Variants in SNTG1 observed in about 807,000 individuals in gnomAD.
SNTG1 encodes the protein syntrophin gamma 1.
A neutral mutation model predicts 74.7 loss-of-function variants in SNTG1; 39 were observed. That is an observed-to-expected ratio of 0.52 (90% CI 0.40 to 0.68). SNTG1 has a LOEUF of 0.68. Ranked by LOEUF, SNTG1 falls within the 30% of genes least tolerant of loss-of-function variation. The pLI is 0.00. For synonymous variants in SNTG1, 254 were observed against 217.1 expected (o/e 1.17, Z -1.49); for missense variants, 685 against 609.5 (o/e 1.12, Z -1.30).
chr8:50,638,929 C>T (rs569469433), intron 13 of SNTG1, among the ~76,000 whole-genome samples: 66 of 152,196 alleles, frequency 4.3e-4, no homozygotes, highest in African/African-American at 1.6e-3. Flanking sequence ...CCAAAGCTAT[C>T]ACTGTTTTAC....
At chr8:50,447,264 A>T (rs567562476) in intron 5 of SNTG1, among the ~76,000 whole-genome samples, 25 of 152,098 alleles carry the variant, frequency 1.6e-4, no homozygotes, top group African/African-American at 6.0e-4. Flanking sequence ...CTATGCATTT[A>T]AAAAAAATGG....
intron 2 of SNTG1, among the ~76,000 whole-genome samples, chr8:50,301,651 T>C (rs1221186166): frequency 3.3e-5 from 5 of 152,248 alleles, no homozygotes; most frequent in Admixed American, 3.3e-4. Flanking sequence ...ATATTTTATA[T>C]ACTGTTTTAT....
rs2092521718 is a variant in SNTG1 at position 50,383,381 on chromosome 8, T to G, written c.-27-10831T>G. ...TAACTATTATTAATAAATCTTATGTTAGATGATAAGGGAATAAAGAAGGGA... is the reference window on the plus strand; with the variant it reads ...TAACTATTATTAATAAATCTTATGTGAGATGATAAGGGAATAAAGAAGGGA... On this transcript the variant is annotated intron_variant, in intron 2 of 18. Coordinates refer to ENST00000642720, the MANE Select transcript of SNTG1 (RefSeq NM_018967.5). Among the ~76,000 whole-genome samples the G allele has an allele frequency of 2.6e-5, 4 of 152,192 alleles. No homozygotes were observed. The South Asian group carries it at 8.3e-4, about 31-fold the overall frequency.
At chr8:50,768,649 A>G in intron 18 of SNTG1, among the ~76,000 whole-genome samples, 1 of 152,016 alleles carries the variant, frequency 6.6e-6, no homozygotes, top group East Asian at 1.9e-4. Flanking sequence ...TCTGAAACCA[A>G]AGGTTTTCTA....
chr8:50,440,137 T>C (rs999818782), intron 5 of SNTG1, among the ~76,000 whole-genome samples: 1 of 151,696 alleles, frequency 6.6e-6, no homozygotes, highest in African/African-American at 2.4e-5. Context: ...TAAGTATGAA[T>C]TTTCCATTCA....
chr8:50,618,297 C>T (rs1440512157), intron 13 of SNTG1, among the ~76,000 whole-genome samples: 1 of 152,142 alleles, frequency 6.6e-6, no homozygotes, highest in Non-Finnish European at 1.5e-5. Context: ...ATTTCATTTT[C>T]ACCAAGCAAT....
At chr8:50,053,563 G>C (rs762631397) in intron 1 of SNTG1, among the ~76,000 whole-genome samples, 18 of 150,168 alleles carry the variant, frequency 1.2e-4, no homozygotes, top group Non-Finnish European at 2.1e-4. Flanking sequence ...TGAACTTCAT[G>C]GTTTACAATG....
In SNTG1 at chr8:50,012,092, G is replaced by A. The variant is rs531519940; in HGVS notation, c.-103+99861G>A. Among the ~76,000 whole-genome samples, 57 of 152,018 alleles carry A rather than the reference G, an allele frequency of 3.7e-4. 1 individual carries two copies. In the South Asian group the frequency reaches 0.012, roughly 31 times the overall value. Reference sequence around the variant, plus strand: ...CTGTGGCAAAAAGTTTGGTGAAGTTGGCAAGAGATGAGTAATTATTTTCAC... The same window carrying A: ...CTGTGGCAAAAAGTTTGGTGAAGTTAGCAAGAGATGAGTAATTATTTTCAC... On this transcript the variant is annotated intron_variant, in intron 1 of 18. Coordinates refer to ENST00000642720, the MANE Select transcript of SNTG1 (RefSeq NM_018967.5).
intron 1 of SNTG1, among the ~76,000 whole-genome samples, chr8:50,010,893 T>G (rs1815727693): frequency 1.3e-5 from 2 of 151,892 alleles, no homozygotes; most frequent in South Asian, 4.2e-4. Flanking sequence ...GTTGTGTTAT[T>G]TTCTCTATAT....
intron 17 of SNTG1, among the ~76,000 whole-genome samples, chr8:50,722,411 A>G (rs1001080074): frequency 2.6e-5 from 4 of 151,918 alleles, no homozygotes; most frequent in Non-Finnish European, 1.5e-5. Context: ...CCTGACCTCA[A>G]CTGATCCTCC....
intron 1 of SNTG1, among the ~76,000 whole-genome samples, chr8:50,109,147 A>T (rs968353119): frequency 6.6e-6 from 1 of 152,174 alleles, no homozygotes; most frequent in Non-Finnish European, 1.5e-5. Context: ...CTGGAAGTTC[A>T]TAGGAAGCCA....
chr8:50,690,641 A>G (rs1034547968), intron 15 of SNTG1, among the ~76,000 whole-genome samples: 3 of 152,090 alleles, frequency 2.0e-5, no homozygotes, highest in South Asian at 2.1e-4. Context: ...GGTCTTTTGC[A>G]TTTGCTAAGG....
intron 13 of SNTG1, among the ~76,000 whole-genome samples, chr8:50,617,712 T>A (rs2094894508): frequency 1.3e-5 from 2 of 152,136 alleles, no homozygotes; most frequent in Admixed American, 1.3e-4. Context: ...AGGGTCGTGA[T>A]CGATTGAGCA....
intron 1 of SNTG1, among the ~76,000 whole-genome samples, chr8:49,952,782 A>G (rs111789980): frequency 1.3e-3 from 201 of 152,344 alleles, no homozygotes; most frequent in African/African-American, 4.7e-3. Context: ...TTAAATATAT[A>G]GGACTTTTTA....
intron 2 of SNTG1, among the ~76,000 whole-genome samples, chr8:50,269,960 C>T (rs867104230): frequency 7.2e-5 from 11 of 152,112 alleles, no homozygotes; most frequent in African/African-American, 2.7e-4. Context: ...ATTTTTTCTT[C>T]TTTCTCCATG....
At chr8:50,442,993 A>G (rs2093372504) in intron 5 of SNTG1, among the ~76,000 whole-genome samples, 1 of 152,184 alleles carries the variant, frequency 6.6e-6, no homozygotes, top group East Asian at 1.9e-4. Context: ...TTCCCCTCTC[A>G]AGTGCCCATC....
At chr8:50,275,564 A>C (rs1364803412) in intron 2 of SNTG1, among the ~76,000 whole-genome samples, 1 of 152,206 alleles carries the variant, frequency 6.6e-6, no homozygotes, top group East Asian at 1.9e-4. Context: ...AGGTAACTTA[A>C]ACCCCTGTGT....
intron 11 of SNTG1, among the ~76,000 whole-genome samples, chr8:50,538,249 A>G (rs1168256297): frequency 6.6e-6 from 1 of 152,118 alleles, no homozygotes; most frequent in Non-Finnish European, 1.5e-5. Flanking sequence ...ATCAAACACT[A>G]TATCGGGTGG....
chr8:50,537,540 G>C (rs147260563), intron 11 of SNTG1, among the ~76,000 whole-genome samples: 3 of 151,984 alleles, frequency 2.0e-5, no homozygotes, highest in Non-Finnish European at 4.4e-5. Context: ...TTGCTAAGGA[G>C]TTGTACATTT....
Sources: gnomAD v4.1 joint callset for allele counts (sites outside exome capture counted in the v4.1 genomes callset) on GRCh38, gnomAD v4.1.1 for gene constraint, MANE v1.5 for transcripts, NCBI Gene and HGNC (gene_info 2026-07-23, HGNC 2026-07-21) for gene names.